The following KCNV2 variants were observed in gnomAD, a reference collection of about 807,000 sequenced individuals.
KCNV2 encodes the protein potassium voltage-gated channel modifier subfamily V member 2.
KCNV2 carries 65 observed loss-of-function variants against 37.0 expected under a neutral mutation model. That is an observed-to-expected ratio of 1.76 (90% CI 1.44 to 2.16). The LOEUF is 2.16. KCNV2 is among the 30% of genes most tolerant of loss of function. The pLI is 0.00. For synonymous variants in KCNV2, 518 were observed against 328.6 expected (o/e 1.58, Z -6.23); for missense variants, 1,232 against 766.7 (o/e 1.61, Z -7.17).
Position 2,718,922 on chromosome 9 carries a change from A to G in KCNV2, c.1183A>G (p.Thr395Ala), listed in dbSNP as rs201033142. 1.2e-6 allele frequency: 2 copies of G among 1,609,292 alleles called. No homozygotes were observed. Among genetic ancestry groups the G allele is most frequent in the East Asian group, 2.2e-5 (1 of 44,882 alleles). ...CATCCTCAAGCTGGCGCGCCACTCC[A>G]CCGGACTGCGTGCCTTCGGCTTCAC... The part of the protein sequence containing the change: ...FRILKLARHS[T>A]GLRAFGFTLR... Residue 395 changes from threonine (T) to alanine (A), a missense_variant, in exon 1 of 2, where the codon ACC becomes GCC. Physicochemically the swap from Thr to Ala is moderately conservative, Grantham distance 58 (BLOSUM62 0). Coordinates refer to ENST00000382082, the MANE Select transcript of KCNV2 (RefSeq NM_133497.4).
chr9:2,727,721 T>C (rs1819991648), intron 1 of KCNV2, among the ~76,000 whole-genome samples: 1 of 152,140 alleles, frequency 6.6e-6, no homozygotes, highest in African/African-American at 2.4e-5. Context: ...ACATGATATA[T>C]ATATAATAAT....
chr9:2,729,725 T>C lies in KCNV2; in HGVS notation c.1636T>C (p.Ter546GlnextTer60). ...ACAGCTCACCCCAAGACAAGAGAAT[T>C]AGTATTTTATAGGACATGTGGCTGG... The part of the protein sequence containing the change: ...NPQLTPRQEN[*>Q] Residue 546 changes from the stop codon to glutamine (Q), a stop_lost, in exon 2 of 2, where the codon TAG becomes CAG. Transcript: ENST00000382082. 1.2e-6 allele frequency: 2 copies of C among 1,613,948 alleles called. No homozygotes were observed. The highest frequency in any genetic ancestry group is 1.7e-6 in the Non-Finnish European group (2 of 1,179,850).
At position 2,717,928 on chromosome 9, in the gene KCNV2, G is replaced by C. The variant is rs1322961625; in HGVS notation, c.189G>C (p.Glu63Asp). 1 of 1,614,198 alleles carries C rather than the reference G, an allele frequency of 6.2e-7. No individual in the cohort carries two copies. Among genetic ancestry groups the C allele is most frequent in the East Asian group, 2.2e-5 (1 of 44,858 alleles). ...TCGAGGAAGACGAAGACGGCGAGGA[G>C]GAGGACCAGTGGAAGGACGACCTGG... ...YYIEEDEDGE[E>D]EDQWKDDLAE... The change falls in exon 1 of 2, where the codon GAG becomes GAC. Residue 63 changes from glutamate (E) to aspartate (D), a missense_variant. Glu to Asp is a conservative substitution (Grantham distance 45). Coordinates refer to ENST00000382082, the MANE Select transcript of KCNV2 (RefSeq NM_133497.4).
chr9:2,719,517 G>T (rs946214094), intron 1 of KCNV2, among the ~76,000 whole-genome samples: 2 of 151,860 alleles, frequency 1.3e-5, no homozygotes, highest in Admixed American at 1.3e-4. Context: ...GTTTTTGAAA[G>T]AAACTGTAGA....
intron 1 of KCNV2, 23 bp downstream of exon 1, chr9:2,719,118 T>A (rs1187007053): frequency 4.4e-6 from 7 of 1,603,668 alleles, no homozygotes; most frequent in Non-Finnish European, 5.9e-6. Context: ...GCCCTGGGCT[T>A]TCCCATCCTC....
rs1819774461 is a variant in KCNV2 at position 2,718,143 on chromosome 9, A to C, written c.404A>C (p.Gln135Pro). The C allele has an allele frequency of 6.2e-7, 1 of 1,610,714 alleles. No homozygotes were observed. The highest frequency in any genetic ancestry group is 1.3e-5 in the African/African-American group (1 of 74,916). The part of the protein sequence containing the change: ...RLATSTSRSR[Q>P]LSLCDDYEEQ... Reference sequence around the variant, plus strand: ...GCCACCTCCACCAGCCGCAGCCGCCAGCTAAGCCTGTGCGACGACTACGAG... The same window carrying C: ...GCCACCTCCACCAGCCGCAGCCGCCCGCTAAGCCTGTGCGACGACTACGAG... Residue 135 changes from glutamine to proline, a missense_variant, in exon 1 of 2, where the codon CAG becomes CCG. Gln to Pro is a moderately conservative substitution (Grantham distance 76). Transcript: ENST00000382082.
chr9:2,721,415 A>G (rs1586689074), intron 1 of KCNV2, among the ~76,000 whole-genome samples: 1 of 152,252 alleles, frequency 6.6e-6, no homozygotes, highest in Middle Eastern at 3.4e-3. Flanking sequence ...TTCTAACTAC[A>G]CTCCATAATA....
intron 1 of KCNV2, among the ~76,000 whole-genome samples, chr9:2,721,781 G>T (rs755976669): frequency 8.5e-5 from 13 of 152,102 alleles, no homozygotes; most frequent in Non-Finnish European, 1.8e-4. Context: ...GAGTGATTCA[G>T]GCAGTAGAGT....
In KCNV2 at chr9:2,718,773, C is replaced by T. The variant is rs773122223; in HGVS notation, c.1034C>T (p.Pro345Leu). The stretch of plus-strand genomic sequence containing the variant: ...CTGGTGGACCTGGTGGCCATCCTGC[C>T]GCTCTACCTTCAGCTGCTGCTCGAG... ...LNLVDLVAIL[P>L]LYLQLLLECF... The change falls in exon 1 of 2, where the codon CCG (proline) becomes CTG (leucine). Residue 345 changes from proline to leucine, a missense_variant. Transcript: ENST00000382082. 1.1e-5 allele frequency: 18 copies of T among 1,611,200 alleles called. No homozygotes were observed. The East Asian group carries it at 2.0e-4, about 18-fold the overall frequency.
rs1480341248 is a variant in KCNV2 at position 2,729,861 on chromosome 9, T to G, written c.*134T>G. On this transcript the variant is annotated 3_prime_UTR_variant, in exon 2 of 2. Transcript: ENST00000382082. Reference sequence around the variant, plus strand: ...AAAGGCCATTTCGTTCACAAAGTACTGCCTCTAGAAATACTCATTTTGGCC... The same window carrying G: ...AAAGGCCATTTCGTTCACAAAGTACGGCCTCTAGAAATACTCATTTTGGCC... 3 of 908,936 alleles carry G rather than the reference T, an allele frequency of 3.3e-6. No homozygotes were observed. The highest frequency in any genetic ancestry group is 5.2e-6 in the Non-Finnish European group (3 of 572,856). The allele number at this position is 908,936 out of a possible 1,614,324, so 56.3% of individuals were successfully genotyped here.
In KCNV2 at chr9:2,718,236, T is replaced by G; in HGVS notation, c.497T>G (p.Leu166Arg). 1 of 1,613,420 alleles carries G rather than the reference T, an allele frequency of 6.2e-7. No homozygotes were observed. Among genetic ancestry groups the G allele is most frequent in the Non-Finnish European group, 8.5e-7 (1 of 1,179,934 alleles). ...TTCCAGCTGGTCTACAATTTCTACC[T>G]GTCCGGGGTGCTGCTGGTGCTCGAC... ...AVFQLVYNFY[L>R]SGVLLVLDGL... is the part of the protein sequence containing the mutation. Residue 166 changes from leucine (L) to arginine (R), a missense_variant, in exon 1 of 2, where the codon CTG (leucine) becomes CGG (arginine). Coordinates refer to ENST00000382082, the MANE Select transcript of KCNV2 (RefSeq NM_133497.4).
rs1820039910 is a variant in KCNV2, at chr9:2,729,856, A to G, written c.*129A>G. 1.1e-6 allele frequency: 1 copy of G among 940,374 alleles called. No individual in the cohort carries two copies. Among genetic ancestry groups the G allele is most frequent in the South Asian group, 1.4e-5 (1 of 71,362 alleles). 58.3% of individuals were successfully genotyped at this position (940,374 alleles called of 1,614,324 possible). The stretch of plus-strand genomic sequence containing the variant: ...TACACAAAGGCCATTTCGTTCACAA[A>G]GTACTGCCTCTAGAAATACTCATTT... On this transcript the variant is annotated 3_prime_UTR_variant, in exon 2 of 2. Coordinates refer to ENST00000382082, the MANE Select transcript of KCNV2 (RefSeq NM_133497.4).
In KCNV2 at chr9:2,729,659, G is replaced by A. The variant is rs1471161378; in HGVS notation, c.1570G>A (p.Ala524Thr). The A allele has an allele frequency of 6.2e-7, 1 of 1,614,020 alleles. No homozygotes were observed. The highest frequency in any genetic ancestry group is 2.2e-5 in the East Asian group (1 of 44,898). The change falls in exon 2 of 2, where the codon GCC (alanine) becomes ACC (threonine). Residue 524 changes from alanine to threonine, a missense_variant. Coordinates refer to ENST00000382082, the MANE Select transcript of KCNV2 (RefSeq NM_133497.4). Reference protein sequence around the residue: ...ERGEVNFMQRARKKIAECLLG... With the variant: ...ERGEVNFMQRTRKKIAECLLG... Reference sequence around the variant, plus strand: ...GGGAGAGGTGAACTTCATGCAGAGAGCCAGAAAGAAGATAGCTGAGTGTTT... The same window carrying A: ...GGGAGAGGTGAACTTCATGCAGAGAACCAGAAAGAAGATAGCTGAGTGTTT...
At chr9:2,729,285 G>C (rs1195366232) in intron 1 of KCNV2, among the ~76,000 whole-genome samples, 161 bp from the exon 2 acceptor site, 6 of 152,124 alleles carry the variant, frequency 3.9e-5, no homozygotes, top group Non-Finnish European at 7.3e-5. Context: ...ACAGGTCCTA[G>C]AGGGAGTCTT....
chr9:2,718,271 C>T lies in KCNV2; in HGVS notation c.532C>T (p.Pro178Ser). 6.2e-7 allele frequency: 1 copy of T among 1,612,356 alleles called. No homozygotes were observed. The highest frequency in any genetic ancestry group is 2.2e-5 in the East Asian group (1 of 44,870). ...GCTGCTGGTGCTCGACGGGCTGTGT[C>T]CGCGCCGCTTCCTGGAGGAGCTGGG... Reference protein sequence around the residue: ...GVLLVLDGLCPRRFLEELGYW... With the variant: ...GVLLVLDGLCSRRFLEELGYW... Residue 178 changes from proline to serine, a missense_variant, in exon 1 of 2, where the codon CCG (proline) becomes TCG (serine). By Grantham distance (74) the Pro-to-Ser change is moderately conservative. Coordinates refer to ENST00000382082, the MANE Select transcript of KCNV2 (RefSeq NM_133497.4).
At chr9:2,720,080 T>C (rs529016962) in intron 1 of KCNV2, among the ~76,000 whole-genome samples, 18 of 152,352 alleles carry the variant, frequency 1.2e-4, no homozygotes, top group African/African-American at 4.3e-4. Context: ...GAAAAGTAGA[T>C]TGTAATACCT....
In KCNV2 at chr9:2,729,510, C is replaced by T. The variant is rs546451765; in HGVS notation, c.1421C>T (p.Ala474Val). The T allele has an allele frequency of 6.2e-7, 1 of 1,614,084 alleles. No individual in the cohort carries two copies. Among genetic ancestry groups the T allele is most frequent in the Admixed American group, 1.7e-5 (1 of 60,014 alleles). The stretch of plus-strand genomic sequence containing the variant: ...GAGACCCACCTGGGCAGGTTTTTTG[C>T]CTTCCTCTGCATTGCTTTTGGGATC... ...YPETHLGRFF[A>V]FLCIAFGIIL... The change falls in exon 2 of 2, where the codon GCC becomes GTC. Residue 474 changes from alanine to valine, a missense_variant. Physicochemically the swap from Ala to Val is moderately conservative, Grantham distance 64 (BLOSUM62 0). Coordinates refer to ENST00000382082, the MANE Select transcript of KCNV2 (RefSeq NM_133497.4).
chr9:2,728,204 G>C (rs1307002993), intron 1 of KCNV2, among the ~76,000 whole-genome samples: 3 of 152,130 alleles, frequency 2.0e-5, no homozygotes, highest in Admixed American at 6.5e-5. Flanking sequence ...TATTTACACT[G>C]CTAAGCTAAC....
At position 2,718,532 on chromosome 9, in the gene KCNV2, G is replaced by C; in HGVS notation, c.793G>C (p.Ala265Pro). The change falls in exon 1 of 2, where the codon GCC becomes CCC. Residue 265 changes from alanine (A) to proline (P), a missense_variant. Ala to Pro is a conservative substitution (Grantham distance 27). Transcript: ENST00000382082. ...GGTGGCCGCCAAGGCCATCGGGGTGGCCTCCAGCACCTTCGTGCTCGTCTC... is the reference window on the plus strand; with the variant it reads ...GGTGGCCGCCAAGGCCATCGGGGTGCCCTCCAGCACCTTCGTGCTCGTCTC... Reference protein sequence around the residue: ...SSVAAKAIGVASSTFVLVSVV... With the variant: ...SSVAAKAIGVPSSTFVLVSVV... 1.2e-6 allele frequency: 2 copies of C among 1,611,526 alleles called. No individual in the cohort carries two copies. The highest frequency in any genetic ancestry group is 1.3e-5 in the African/African-American group (1 of 75,048).
Sources: allele counts gnomAD v4.1 joint callset (sites outside exome capture counted in the v4.1 genomes callset), GRCh38; gene constraint gnomAD v4.1.1; transcripts MANE v1.5; gene names NCBI Gene and HGNC (gene_info 2026-07-23, HGNC 2026-07-21).